SMG6: variants seen among roughly 807,000 people sequenced by gnomAD.
SMG6 encodes the protein telomerase-binding protein EST1A.
Under a neutral mutation model 142.2 loss-of-function variants are expected in SMG6, and 66 were observed. The observed-to-expected ratio is 0.46, with a 90% CI of 0.38 to 0.57. SMG6 has a LOEUF of 0.57. Ranked by LOEUF, SMG6 falls within the 20% of genes least tolerant of loss-of-function variation. SMG6 has a pLI of 0.00. For synonymous variants in SMG6, 779 were observed against 702.4 expected (o/e 1.11, Z -1.72); for missense variants, 1,793 against 1,832.0 (o/e 0.98, Z 0.39).
chr17:2,234,427 A>C (rs1449085602), intron 10 of SMG6, among the ~76,000 whole-genome samples: 1 of 151,298 alleles, frequency 6.6e-6, no homozygotes, highest in Non-Finnish European at 1.5e-5. Context: ...AAGCGCAGCT[A>C]ATTTTTGGTA....
At chr17:2,287,033 G>A (rs938956885) in intron 6 of SMG6, among the ~76,000 whole-genome samples, 1 of 146,900 alleles carries the variant, frequency 6.8e-6, no homozygotes, top group Non-Finnish European at 1.5e-5. Flanking sequence ...TCGGGTTCAC[G>A]CCATTCTCCT....
chr17:2,282,612 T>C (rs1398776758), intron 8 of SMG6, 35 bp downstream of exon 8: 2 of 1,599,926 alleles, frequency 1.3e-6, no homozygotes, highest in Non-Finnish European at 8.6e-7. Context: ...CTTACTGAGC[T>C]AGTTTGGCTC....
chr17:2,303,449 G>A, intron 1 of SMG6, 184 bp downstream of exon 1: 1 of 1,305,342 alleles, frequency 7.7e-7, no homozygotes, highest in Non-Finnish European at 9.7e-7. Context: ...GACTGGCCGA[G>A]CCCGACCCCG....
chr17:2,107,680 G>C (rs1597394083), intron 13 of SMG6, among the ~76,000 whole-genome samples: 1 of 152,144 alleles, frequency 6.6e-6, no homozygotes, highest in East Asian at 1.9e-4. Context: ...CCATCTGTGA[G>C]GGTTATTTAA....
intron 13 of SMG6, among the ~76,000 whole-genome samples, chr17:2,119,294 T>A (rs1054683150): frequency 2.0e-5 from 3 of 152,062 alleles, no homozygotes; most frequent in African/African-American, 4.8e-5. Context: ...CCTGACCTTG[T>A]GATCTGCCCG....
intron 13 of SMG6, among the ~76,000 whole-genome samples, chr17:2,131,789 G>A (rs997347865): frequency 6.6e-6 from 1 of 152,262 alleles, no homozygotes; most frequent in East Asian, 1.9e-4. Context: ...AGCTGGGCAC[G>A]GTGGCACACG....
chr17:2,105,545 A>AAAAT (rs377071604), intron 13 of SMG6, among the ~76,000 whole-genome samples: 6,291 of 151,866 alleles, frequency 0.041, 162 homozygotes, highest in Middle Eastern at 0.071. Flanking sequence ...CTCTGTCTCA[A>AAAAT]AAATAAATAA....
rs1022129619 is a variant in SMG6 at position 2,061,345 on chromosome 17, G to A, written c.*147C>T. On this transcript the variant is annotated 3_prime_UTR_variant, in exon 19 of 19. Transcript: ENST00000263073. The stretch of plus-strand genomic sequence containing the variant: ...CTCTGTGAGGAGCAGGTCCCCCACA[G>A]CATGGCCGTGGCGTGGGTTGGAAGA... The A allele has an allele frequency of 1.3e-6, 1 of 785,696 alleles. No individual in the cohort carries two copies. The highest frequency in any genetic ancestry group is 2.0e-6 in the Non-Finnish European group (1 of 502,792). The allele number at this position is 785,696 out of a possible 1,614,324, so 48.7% of individuals were successfully genotyped here. A position where few individuals can be genotyped will look rare whatever the true frequency, so the allele number is the denominator to read the frequency against.
intron 8 of SMG6, among the ~76,000 whole-genome samples, chr17:2,259,878 T>C (rs1010795083): frequency 6.6e-6 from 1 of 152,070 alleles, no homozygotes; most frequent in African/African-American, 2.4e-5. Context: ...CAGTTTAAGA[T>C]AGATGTGGTC....
chr17:2,215,057 G>GGGA, intron 10 of SMG6, among the ~76,000 whole-genome samples: 1 of 152,316 alleles, frequency 6.6e-6, no homozygotes, highest in South Asian at 2.1e-4. Context: ...CTGCCAGCTA[G>GGGA]GGAGCTAACA....
chr17:2,159,020 C>T (rs1052983822), intron 13 of SMG6, among the ~76,000 whole-genome samples: 2 of 151,858 alleles, frequency 1.3e-5, no homozygotes, highest in African/African-American at 2.4e-5. Context: ...TAAGAAAACA[C>T]CCCAATGTTT....
At chr17:2,108,803 G>A (rs769307079) in intron 13 of SMG6, among the ~76,000 whole-genome samples, 8 of 152,114 alleles carry the variant, frequency 5.3e-5, no homozygotes, top group South Asian at 2.1e-4. Context: ...AATTAGTCGC[G>A]CATGGTGGCG....
chr17:2,201,822 G>A (rs2072533651), intron 10 of SMG6, among the ~76,000 whole-genome samples: 1 of 151,940 alleles, frequency 6.6e-6, no homozygotes, highest in South Asian at 2.1e-4. Flanking sequence ...CCAGGAGTTC[G>A]AGACTAGCCT....
intron 9 of SMG6, among the ~76,000 whole-genome samples, chr17:2,243,856 T>C (rs2073868965): frequency 6.6e-6 from 1 of 152,198 alleles, no homozygotes; most frequent in Non-Finnish European, 1.5e-5. Flanking sequence ...ACTGGTCTAG[T>C]GGAAGACTGG....
chr17:2,223,347 T>C (rs999175384), intron 10 of SMG6, among the ~76,000 whole-genome samples: 1 of 152,220 alleles, frequency 6.6e-6, no homozygotes, highest in Non-Finnish European at 1.5e-5. Context: ...GCATATTTTC[T>C]GAACATAAGC....
At chr17:2,129,289 C>T (rs530907297) in intron 13 of SMG6, among the ~76,000 whole-genome samples, 24 of 152,296 alleles carry the variant, frequency 1.6e-4, no homozygotes, top group Non-Finnish European at 3.4e-4. Flanking sequence ...CACCACTGTA[C>T]TCCAGCCTGG....
chr17:2,156,702 T>A (rs369468640), intron 13 of SMG6, among the ~76,000 whole-genome samples: 4 of 152,320 alleles, frequency 2.6e-5, no homozygotes, highest in African/African-American at 7.2e-5. Flanking sequence ...TAACCCAGGC[T>A]ACAGTGCAGT....
chr17:2,139,390 C>A (rs112289344), intron 13 of SMG6, among the ~76,000 whole-genome samples: 112 of 151,950 alleles, frequency 7.4e-4, no homozygotes, highest in African/African-American at 2.6e-3. Context: ...TACTATAAGA[C>A]CGTGTGAAAC....
chr17:2,257,672 C>T (rs924724574), intron 8 of SMG6, among the ~76,000 whole-genome samples: 1 of 151,970 alleles, frequency 6.6e-6, no homozygotes, highest in Non-Finnish European at 1.5e-5. Context: ...GCTCCCAACT[C>T]GGGCCTTTGT....
Sources: allele counts gnomAD v4.1 joint callset (sites outside exome capture counted in the v4.1 genomes callset), GRCh38; gene constraint gnomAD v4.1.1; transcripts MANE v1.5; gene names NCBI Gene and HGNC (gene_info 2026-07-23, HGNC 2026-07-21).